Variants in SPIDR observed in about 807,000 individuals in gnomAD.
SPIDR encodes the protein DNA repair-scaffolding protein.
Under a neutral mutation model 104.6 loss-of-function variants are expected in SPIDR, and 93 were observed. The observed-to-expected ratio is 0.89, with a 90% CI of 0.75 to 1.06. SPIDR has a LOEUF of 1.06. SPIDR is among the 50% of genes least tolerant of loss of function. The pLI is 0.00. For missense variants in SPIDR, 1,154 were observed against 1,111.2 expected (o/e 1.04, Z -0.55); for synonymous variants, 431 against 416.9 (o/e 1.03, Z -0.41).
chr8:47,407,192 T>G (rs1052554294), intron 6 of SPIDR, among the ~76,000 whole-genome samples: 5 of 152,260 alleles, frequency 3.3e-5, no homozygotes, highest in Admixed American at 6.5e-5. Flanking sequence ...TCTTCTGCAG[T>G]GCCTGCATGT....
chr8:47,298,752 T>C (rs1232766845), intron 5 of SPIDR, among the ~76,000 whole-genome samples: 13 of 152,222 alleles, frequency 8.5e-5, no homozygotes, highest in Non-Finnish European at 1.8e-4. Flanking sequence ...TTGTCAAAGA[T>C]CAGATAGTTG....
intron 10 of SPIDR, among the ~76,000 whole-genome samples, chr8:47,670,716 C>T (rs1470383060): frequency 6.6e-6 from 1 of 152,160 alleles, no homozygotes; most frequent in African/African-American, 2.4e-5. Flanking sequence ...ATTTGAGCTC[C>T]AGTCACTGCC....
intron 1 of SPIDR, among the ~76,000 whole-genome samples, chr8:47,277,761 G>A (rs1380022737): frequency 7.1e-6 from 1 of 140,636 alleles, no homozygotes; most frequent in Non-Finnish European, 1.5e-5. Context: ...TGCAACCTCC[G>A]CCTCCTGGGT....
At chr8:47,291,552 C>T (rs2039907214) in intron 4 of SPIDR, among the ~76,000 whole-genome samples, 1 of 152,208 alleles carries the variant, frequency 6.6e-6, no homozygotes. Context: ...TAGGATTTTA[C>T]TGAGTCCCAC....
At chr8:47,626,951 T>C (rs553377233) in intron 10 of SPIDR, among the ~76,000 whole-genome samples, 2 of 152,266 alleles carry the variant, frequency 1.3e-5, no homozygotes, top group South Asian at 4.1e-4. Flanking sequence ...ATGTTTATTG[T>C]GGCACTATTC....
At chr8:47,456,392 C>T (rs573837863) in intron 8 of SPIDR, among the ~76,000 whole-genome samples, 2 of 152,278 alleles carry the variant, frequency 1.3e-5, no homozygotes, top group Non-Finnish European at 2.9e-5. Context: ...TGAGACAATA[C>T]ATTTTGGCTA....
chr8:47,286,698 C>G (rs1304284835), intron 3 of SPIDR, among the ~76,000 whole-genome samples: 2 of 152,040 alleles, frequency 1.3e-5, no homozygotes, highest in African/African-American at 4.8e-5. Flanking sequence ...ACCATCAGAA[C>G]TTAATCTAGG....
chr8:47,281,502 T>C (rs1426514561), intron 2 of SPIDR, among the ~76,000 whole-genome samples: 2 of 152,242 alleles, frequency 1.3e-5, no homozygotes, highest in African/African-American at 2.4e-5. Context: ...TTACTTGTTA[T>C]CACTTCAACA....
chr8:47,380,684 A>C (rs1332978509), intron 5 of SPIDR, among the ~76,000 whole-genome samples: 1 of 152,170 alleles, frequency 6.6e-6, no homozygotes, highest in Non-Finnish European at 1.5e-5. Flanking sequence ...ACTGAGCTGC[A>C]GCTGAGGTTG....
chr8:47,403,308 C>T (rs186456364), intron 6 of SPIDR, among the ~76,000 whole-genome samples: 1 of 152,242 alleles, frequency 6.6e-6, no homozygotes, highest in East Asian at 1.9e-4. Flanking sequence ...ACAGGGATGC[C>T]CTCTCTCACC....
At chr8:47,580,118 A>G (rs1268694825) in intron 8 of SPIDR, among the ~76,000 whole-genome samples, 1 of 152,204 alleles carries the variant, frequency 6.6e-6, no homozygotes, top group Admixed American at 6.5e-5. Flanking sequence ...CTAACCAGCT[A>G]GTATGGGTAG....
intron 14 of SPIDR, among the ~76,000 whole-genome samples, chr8:47,703,788 C>T (rs1206895129): frequency 1.3e-5 from 2 of 152,160 alleles, no homozygotes; most frequent in African/African-American, 4.8e-5. Context: ...GGCTGGAGGA[C>T]ACAGGAACTC....
chr8:47,394,730 TTAAG>T (rs2061049691), intron 5 of SPIDR, among the ~76,000 whole-genome samples: 1 of 152,162 alleles, frequency 6.6e-6, no homozygotes, highest in Non-Finnish European at 1.5e-5. Context: ...TATGGAGTTC[TTAAG>T]TAATACGTAA....
At chr8:47,668,205 G>T (rs1177824244) in intron 10 of SPIDR, among the ~76,000 whole-genome samples, 1 of 152,098 alleles carries the variant, frequency 6.6e-6, no homozygotes, top group Non-Finnish European at 1.5e-5. Context: ...AACTTGTTCT[G>T]TGAAGCTGAT....
intron 5 of SPIDR, among the ~76,000 whole-genome samples, chr8:47,361,456 G>A (rs1221423207): frequency 6.6e-6 from 1 of 152,228 alleles, no homozygotes; most frequent in Non-Finnish European, 1.5e-5. Flanking sequence ...GAGCTAATGA[G>A]CTTAGGTTGG....
chr8:47,636,114 A>G (rs552827305), intron 10 of SPIDR, among the ~76,000 whole-genome samples: 9 of 152,280 alleles, frequency 5.9e-5, no homozygotes, highest in Non-Finnish European at 8.8e-5. Flanking sequence ...TGTTCACCTC[A>G]TGTCTCTATC....
chr8:47,534,081 G>T (rs1444087966), intron 8 of SPIDR, among the ~76,000 whole-genome samples: 1 of 152,196 alleles, frequency 6.6e-6, no homozygotes, highest in Non-Finnish European at 1.5e-5. Flanking sequence ...TGATGGTTTT[G>T]TGAGTGACTG....
intron 5 of SPIDR, among the ~76,000 whole-genome samples, chr8:47,316,699 G>C (rs1554589919): frequency 6.6e-6 from 1 of 152,134 alleles, no homozygotes; most frequent in East Asian, 1.9e-4. Flanking sequence ...TAGTGGGGTG[G>C]GGATTAATTG....
intron 10 of SPIDR, among the ~76,000 whole-genome samples, chr8:47,637,441 G>A (rs1400833620): frequency 1.3e-5 from 2 of 152,076 alleles, no homozygotes; most frequent in South Asian, 2.1e-4. Context: ...ATGGTGGCAC[G>A]CACCTGCAGT....
Sources: allele counts gnomAD v4.1 joint callset (sites outside exome capture counted in the v4.1 genomes callset), GRCh38; gene constraint gnomAD v4.1.1; transcripts MANE v1.5; gene names NCBI Gene and HGNC (gene_info 2026-07-23, HGNC 2026-07-21).